MAP2K2: variants seen among roughly 807,000 people sequenced by gnomAD.
MAP2K2 encodes the protein dual specificity mitogen-activated protein kinase kinase 2.
A neutral mutation model predicts 43.7 loss-of-function variants in MAP2K2; 24 were observed. The observed-to-expected ratio is 0.55, with a 90% confidence interval of 0.40 to 0.77. The LOEUF is 0.77. Ranked by LOEUF, MAP2K2 falls within the 30% of genes least tolerant of loss-of-function variation. The pLI is 0.00. For missense variants in MAP2K2, 470 were observed against 566.8 expected, an observed-to-expected ratio of 0.83 and a Z score of 1.73; for synonymous variants, 244 against 239.7, an observed-to-expected ratio of 1.02 and a Z score of -0.17.
intron 10 of MAP2K2, among the ~76,000 whole-genome samples, chr19:4,093,756 T>C (rs1375952202): frequency 1.3e-5 from 2 of 152,212 alleles, no homozygotes; most frequent in African/African-American, 4.8e-5. Flanking sequence ...TGGGTGTCTG[T>C]AGCTGGCATC....
rs201726622 is a variant in MAP2K2 at position 4,099,307 on chromosome 19, G to A, written c.813C>T (p.Asp271=). The part of the protein sequence containing the change: ...AVGRYPIPPP[D]AKELEAIFGR... ...CAAAGATGGCCTCCAGCTCTTTGGCGTCGGGCGGGGGGATGGGGTACCTTC... is the reference window on the plus strand; with the variant it reads ...CAAAGATGGCCTCCAGCTCTTTGGCATCGGGCGGGGGGATGGGGTACCTTC... The change falls in exon 7 of 11, where the codon GAC becomes GAT. Residue 271 remains aspartate (D), a synonymous_variant. Transcript: ENST00000262948. 4.5e-5 allele frequency: 72 copies of A among 1,606,922 alleles called. No homozygotes were observed. The highest frequency in any genetic ancestry group is 5.6e-5 in the Non-Finnish European group (66 of 1,177,170).
At chr19:4,097,819 G>A (rs1351338538) in intron 7 of MAP2K2, among the ~76,000 whole-genome samples, 2 of 152,166 alleles carry the variant, frequency 1.3e-5, no homozygotes. Context: ...GGCCAGGCCT[G>A]GGCTTGGCAG....
At chr19:4,102,244 TTG>T in intron 4 of MAP2K2, 130 bp downstream of exon 4, 1 of 785,474 alleles carries the variant, frequency 1.3e-6, no homozygotes, top group Non-Finnish European at 2.2e-6. Flanking sequence ...GGGCACAGCC[TTG>T]GCCACTCTCT....
At chr19:4,090,777 G>T in intron 10 of MAP2K2, 69 bp from the exon 11 acceptor site, 1 of 1,044,222 alleles carries the variant, frequency 9.6e-7, no homozygotes, top group Non-Finnish European at 1.5e-6. Flanking sequence ...GCCAGCGTCT[G>T]CCCAGCCCTG....
chr19:4,096,976 G>C (rs2040927176), intron 8 of MAP2K2, among the ~76,000 whole-genome samples: 1 of 151,016 alleles, frequency 6.6e-6, no homozygotes, highest in South Asian at 2.1e-4. Context: ...GGAGGCGGAG[G>C]TTGCAGTGAG....
At chr19:4,118,724 G>A (rs976941833) in intron 1 of MAP2K2, among the ~76,000 whole-genome samples, 4 of 152,206 alleles carry the variant, frequency 2.6e-5, no homozygotes, top group African/African-American at 9.7e-5. Context: ...CGAGACTGCA[G>A]TGAGCCATGA....
intron 2 of MAP2K2, among the ~76,000 whole-genome samples, chr19:4,111,610 T>C (rs2041154216): frequency 6.6e-6 from 1 of 152,174 alleles, no homozygotes; most frequent in Non-Finnish European, 1.5e-5. Flanking sequence ...TTTCATCAAG[T>C]TGACCCCGGT....
intron 1 of MAP2K2, 116 bp from the exon 2 acceptor site, chr19:4,117,745 G>C (rs2041243295): frequency 1.1e-6 from 1 of 899,756 alleles, no homozygotes. Flanking sequence ...TCCTGCACTT[G>C]AGGGGTTCAT....
Position 4,097,288 on chromosome 19 carries a change from A to C in MAP2K2, c.975T>G (p.Ile325Met). The C allele has an allele frequency of 1.2e-6, 2 of 1,612,552 alleles. No individual in the cohort carries two copies. Among genetic ancestry groups the C allele is most frequent in the Non-Finnish European group, 1.7e-6 (2 of 1,179,544 alleles). The change falls in exon 8 of 11, where the codon ATT becomes ATG. Residue 325 changes from isoleucine (I) to methionine (M), a missense_variant. Transcript: ENST00000262948. Reference sequence around the variant, plus strand: ...GGCATCAAGCACAAACCTCGTTCACAATATAGTCCAGGAGTTCAAAGATGG... The same window carrying C: ...GGCATCAAGCACAAACCTCGTTCACCATATAGTCCAGGAGTTCAAAGATGG... ...AMAIFELLDY[I>M]VNEPPPKLPN...
intron 3 of MAP2K2, among the ~76,000 whole-genome samples, chr19:4,108,717 A>C (rs535049882): frequency 6.6e-6 from 1 of 152,112 alleles, no homozygotes; most frequent in Non-Finnish European, 1.5e-5. Context: ...GGGTTGCCAC[A>C]CTGTCCCCTT....
chr19:4,117,568 T>G lies in MAP2K2; in HGVS notation c.154A>C (p.Lys52Gln), dbSNP rs374336702. 14 of 1,614,068 alleles carry G rather than the reference T, an allele frequency of 8.7e-6. No individual in the cohort carries two copies. The highest frequency in any genetic ancestry group is 4.5e-5 in the East Asian group (2 of 44,900). The change falls in exon 2 of 11, where the codon AAG becomes CAG. Residue 52 changes from lysine (K) to glutamine (Q), a missense_variant. Transcript: ENST00000262948. ...TGGGTGAGAAAGGCTTCCAGCCGCT[T>G]CTTCTGCTGCTCGTCAAGTTCCAGC... ...EELELDEQQK[K>Q]RLEAFLTQKA...
At chr19:4,102,835 C>T (rs527437971) in intron 3 of MAP2K2, 63 of 1,202,806 alleles carry the variant, frequency 5.2e-5, no homozygotes, top group Non-Finnish European at 6.3e-5. Flanking sequence ...CTTGTCTGTG[C>T]GCCACGGGAG....
intron 1 of MAP2K2, among the ~76,000 whole-genome samples, chr19:4,119,557 T>A (rs566813650): frequency 1.4e-4 from 22 of 152,310 alleles, no homozygotes; most frequent in Middle Eastern, 6.8e-3. Flanking sequence ...ATTTAACCCA[T>A]CAAAAATGTT....
chr19:4,117,293 G>A (rs1317515925), intron 2 of MAP2K2, 126 bp downstream of exon 2: 9 of 927,664 alleles, frequency 9.7e-6, no homozygotes, highest in East Asian at 5.2e-5. Flanking sequence ...AGTCCCTGGT[G>A]GGGATGAGGG....
At position 4,096,972 on chromosome 19, in the gene MAP2K2, G is replaced by A. The variant is rs8111064; in HGVS notation, c.984+307C>T. Among the ~76,000 whole-genome samples the A allele has an allele frequency of 0.017, 2,614 of 151,536 alleles. 68 individuals are homozygous for A. The highest frequency in any genetic ancestry group is 0.061 in the African/African-American group (2,504 of 41,264). On this transcript the variant is annotated intron_variant, in intron 8 of 10. Transcript: ENST00000262948. ...CAAGAATTGCTTGAACCTGGGAGGCGGAGGTTGCAGTGAGCTGAGATCAAG... is the reference window on the plus strand; with the variant it reads ...CAAGAATTGCTTGAACCTGGGAGGCAGAGGTTGCAGTGAGCTGAGATCAAG...
intron 1 of MAP2K2, among the ~76,000 whole-genome samples, 168 bp downstream of exon 1, chr19:4,123,616 T>TC (rs1568266661): frequency 4.4e-3 from 112 of 25,176 alleles, no homozygotes; most frequent in Admixed American, 0.035. Context: ...TCCCCTGCCC[T>TC]GTCCTCCCCT....
At chr19:4,111,021 T>C (rs1301939686) in intron 2 of MAP2K2, among the ~76,000 whole-genome samples, 1 of 152,138 alleles carries the variant, frequency 6.6e-6, no homozygotes, top group Non-Finnish European at 1.5e-5. Flanking sequence ...TCATGCTTAG[T>C]GCGAGATGCC....
At chr19:4,118,260 C>T (rs536988778) in intron 1 of MAP2K2, among the ~76,000 whole-genome samples, 8 of 152,314 alleles carry the variant, frequency 5.3e-5, no homozygotes, top group South Asian at 2.1e-4. Context: ...TCCTAACGCA[C>T]GAGCTCCGGA....
chr19:4,113,293 C>A, intron 2 of MAP2K2, among the ~76,000 whole-genome samples: 1 of 152,176 alleles, frequency 6.6e-6, no homozygotes, highest in Non-Finnish European at 1.5e-5. Flanking sequence ...CCAGTCTGCA[C>A]AGGGCGGCTG....
Sources: allele counts gnomAD v4.1 joint callset (sites outside exome capture counted in the v4.1 genomes callset), GRCh38; gene constraint gnomAD v4.1.1; transcripts MANE v1.5; gene names NCBI Gene and HGNC (gene_info 2026-07-23, HGNC 2026-07-21).